Variants in SPATA31H1 observed in about 807,000 individuals in gnomAD.
SPATA31H1 encodes SPATA31 subfamily H member 1.
chr2:27,582,514 A>C, the SPATA31H1 span: 4 of 1,603,354 alleles, frequency 2.5e-6, no homozygotes, highest in Non-Finnish European at 3.4e-6. Flanking sequence ...TGGAGGCCTG[A>C]AGCTACTCGA....
the SPATA31H1 span, chr2:27,570,259 T>C: frequency 2.5e-6 from 1 of 398,828 alleles, no homozygotes; most frequent in Non-Finnish European, 4.4e-6. Flanking sequence ...ATTGAAGATA[T>C]GAAATCTGTT....
chr2:27,582,663 G>T, the SPATA31H1 span: 5 of 851,114 alleles, frequency 5.9e-6, no homozygotes, highest in African/African-American at 6.9e-5. Context: ...TCTACCGGGG[G>T]GGAGGCGGGT....
the SPATA31H1 span, among the ~76,000 whole-genome samples, chr2:27,561,095 C>T: frequency 6.6e-6 from 1 of 152,136 alleles, no homozygotes; most frequent in Non-Finnish European, 1.5e-5. Context: ...CTTCAGGAGA[C>T]CAAGAAGGGT....
the SPATA31H1 span, among the ~76,000 whole-genome samples, chr2:27,563,349 A>G: frequency 5.2e-5 from 6 of 115,620 alleles, no homozygotes; most frequent in African/African-American, 1.9e-4. Flanking sequence ...ATTAATGTGT[A>G]GTTATTCAAA....
chr2:27,560,197 G>C, the SPATA31H1 span, among the ~76,000 whole-genome samples: 1 of 152,044 alleles, frequency 6.6e-6, no homozygotes, highest in Non-Finnish European at 1.5e-5. Context: ...ATGCATAGGT[G>C]TTTTCTAATC....
chr2:27,571,025 G>C, the SPATA31H1 span: 1 of 398,374 alleles, frequency 2.5e-6, no homozygotes, highest in Non-Finnish European at 4.4e-6. Flanking sequence ...CTGTGGAGTG[G>C]AGCCCAGTCT....
the SPATA31H1 span, among the ~76,000 whole-genome samples, chr2:27,553,398 G>T: frequency 6.6e-6 from 1 of 152,012 alleles, no homozygotes; most frequent in Admixed American, 6.5e-5. Context: ...TGTGGTGGCT[G>T]ATTAAGTCCA....
the SPATA31H1 span, chr2:27,581,686 C>G: frequency 6.2e-7 from 1 of 1,613,248 alleles, no homozygotes; most frequent in Non-Finnish European, 8.5e-7. Flanking sequence ...CATCGTGGTC[C>G]CTCTGAGAGA....
At chr2:27,577,474 C>G in the SPATA31H1 span, 1 of 1,614,060 alleles carries the variant, frequency 6.2e-7, no homozygotes, top group Admixed American at 1.7e-5. This position sits in a 1 kb window ranked among gnomAD's most constrained non-coding sequence, Gnocchi z 4.5. Flanking sequence ...ACAAGTCAAG[C>G]CACTGGATTT....
At chr2:27,579,314 A>G in the SPATA31H1 span, 39 of 1,614,196 alleles carry the variant, frequency 2.4e-5, no homozygotes, top group East Asian at 4.5e-4. Context: ...CATCTTTAGC[A>G]GAAAGAGCCA....
At chr2:27,580,105 T>C in the SPATA31H1 span, 2 of 1,614,102 alleles carry the variant, frequency 1.2e-6, no homozygotes, top group Non-Finnish European at 1.7e-6. Context: ...AGATCCCAAA[T>C]CTCAAAGTAT....
At chr2:27,537,690 A>G in the SPATA31H1 span, 1 of 635,166 alleles carries the variant, frequency 1.6e-6, no homozygotes, top group Non-Finnish European at 2.8e-6. Context: ...GACAGTGCCC[A>G]TGGATAGTCT....
chr2:27,550,811 G>A, the SPATA31H1 span, among the ~76,000 whole-genome samples: 2 of 151,848 alleles, frequency 1.3e-5, no homozygotes, highest in Non-Finnish European at 2.9e-5. Context: ...GAATTACACT[G>A]AGTTTTGAAA....
chr2:27,580,930 G>A, the SPATA31H1 span: 2 of 1,614,030 alleles, frequency 1.2e-6, no homozygotes, highest in African/African-American at 1.3e-5. Context: ...AGACCTCTTC[G>A]ACTGCCCAAG....
chr2:27,578,181 G>A, the SPATA31H1 span: 55 of 1,614,082 alleles, frequency 3.4e-5, no homozygotes, highest in African/African-American at 6.7e-4. Flanking sequence ...CCCTCAAATG[G>A]TAGAATATAT....
chr2:27,560,289 GA>G, the SPATA31H1 span, among the ~76,000 whole-genome samples: 1 of 151,302 alleles, frequency 6.6e-6, no homozygotes, highest in Non-Finnish European at 1.5e-5. Context: ...TAACACTTCT[GA>G]AATTGGAGTA....
chr2:27,577,464 A>C, the SPATA31H1 span: 1 of 1,614,160 alleles, frequency 6.2e-7, no homozygotes, highest in South Asian at 1.1e-5. This position sits in a 1 kb window ranked among gnomAD's most constrained non-coding sequence, Gnocchi z 4.5. Context: ...CCCAAAGCCA[A>C]CAAGTCAAGC....
the SPATA31H1 span, chr2:27,572,959 T>G: frequency 4.0e-5 from 16 of 397,540 alleles, no homozygotes; most frequent in East Asian, 5.7e-4. Context: ...TTTCAAGGTG[T>G]GAAAACTGTA....
the SPATA31H1 span, chr2:27,577,876 A>C: frequency 6.2e-7 from 1 of 1,614,142 alleles, no homozygotes; most frequent in Non-Finnish European, 8.5e-7. The surrounding 1 kb of genome is among the most constrained non-coding windows in gnomAD (Gnocchi z 4.5). Context: ...GAATCTGTAG[A>C]GCTCACCTCT....
Sources: allele counts gnomAD v4.1 joint callset (sites outside exome capture counted in the v4.1 genomes callset), GRCh38; gene constraint gnomAD v4.1.1; non-coding constraint Gnocchi (gnomAD v3.1); transcripts MANE v1.5; gene names NCBI Gene and HGNC (gene_info 2026-07-23, HGNC 2026-07-21).